The following TMC1 variants were observed in gnomAD, a reference collection of about 807,000 sequenced individuals.
TMC1 encodes transmembrane channel like 1, also known as transmembrane channel-like protein 1.
In TMC1, 84 loss-of-function variants were observed where a neutral mutation model predicts 105.8. That is an observed-to-expected ratio of 0.79 (90% CI 0.67 to 0.95). The LOEUF (loss-of-function observed/expected upper bound fraction) is 0.95. Among genes scored for constraint, TMC1 ranks in the 40% least tolerant of loss-of-function variants. The probability of loss-of-function intolerance (pLI) is 0.00; values close to 1 mark genes in which losing one functional copy is unlikely to be tolerated. For synonymous variants in TMC1, 315 were observed against 311.5 expected (o/e 1.01, Z -0.12); for missense variants, 817 against 914.1 (o/e 0.89, Z 1.37).
chr9:72,765,444 C>T (rs955279440), intron 12 of TMC1, among the ~76,000 whole-genome samples: 17 of 151,806 alleles, frequency 1.1e-4, no homozygotes, highest in Non-Finnish European at 2.1e-4. Context: ...CTTGAACCAG[C>T]TTTAAAGAAA....
At chr9:72,704,581 A>G (rs759193046) in intron 8 of TMC1, among the ~76,000 whole-genome samples, 3 of 152,172 alleles carry the variant, frequency 2.0e-5, no homozygotes, top group Non-Finnish European at 2.9e-5. Context: ...TAATCCTCAA[A>G]CATGGCTCAG....
At chr9:72,650,446 T>C (rs1318276473) in intron 5 of TMC1, among the ~76,000 whole-genome samples, 3 of 152,114 alleles carry the variant, frequency 2.0e-5, no homozygotes, top group East Asian at 3.9e-4. Context: ...AGATAAGTGA[T>C]GCCTTACTAT....
At chr9:72,748,622 A>G (rs1827530514) in intron 10 of TMC1, among the ~76,000 whole-genome samples, 1 of 152,184 alleles carries the variant, frequency 6.6e-6, no homozygotes, top group African/African-American at 2.4e-5. Flanking sequence ...TAGTCACACT[A>G]ATCAGGCATT....
intron 8 of TMC1, among the ~76,000 whole-genome samples, chr9:72,719,243 G>A (rs1826975217): frequency 6.6e-6 from 1 of 152,196 alleles, no homozygotes; most frequent in African/African-American, 2.4e-5. Flanking sequence ...ACAGAGTTCA[G>A]CTGGAGGTTT....
Position 72,627,977 on chromosome 9 carries a change from G to T in TMC1, c.-139G>T, listed in dbSNP as rs757162804. The T allele has an allele frequency of 2.0e-5, 9 of 455,070 alleles. No homozygotes were observed. The highest frequency in any genetic ancestry group is 1.4e-4 in the South Asian group (9 of 64,478). 28.2% of individuals were successfully genotyped at this position (455,070 alleles called of 1,614,324 possible). A position where few individuals can be genotyped will look rare whatever the true frequency, so the allele number is the denominator to read the frequency against. ...CTGTGCTTCACATCTGAAAATCTCTGCTGGGGGCAGCAACTTTGAGCCTGT... is the reference window on the plus strand; with the variant it reads ...CTGTGCTTCACATCTGAAAATCTCTTCTGGGGGCAGCAACTTTGAGCCTGT... On this transcript the variant is annotated 5_prime_UTR_variant, in exon 4 of 24. Coordinates refer to ENST00000297784, the MANE Select transcript of TMC1 (RefSeq NM_138691.3).
At chr9:72,608,543 C>T (rs369193213) in intron 2 of TMC1, among the ~76,000 whole-genome samples, 1 of 151,968 alleles carries the variant, frequency 6.6e-6, no homozygotes. Context: ...CCCATCTCTA[C>T]TAAAAATACA....
intron 3 of TMC1, among the ~76,000 whole-genome samples, chr9:72,619,310 A>T (rs1012412548): frequency 5.9e-5 from 9 of 152,206 alleles, no homozygotes; most frequent in African/African-American, 2.2e-4. Flanking sequence ...CACAACTTAA[A>T]TATTCAAAAC....
chr9:72,603,549 GTGTTGTTGT>G lies in TMC1; in HGVS notation c.-305-12801_-305-12793del, dbSNP rs10655236. On this transcript the variant is annotated intron_variant, in intron 2 of 23. Coordinates refer to ENST00000297784, the MANE Select transcript of TMC1 (RefSeq NM_138691.3). ...TCAATGTTGCATTTAGTTTAGTTTA[GTGTTGTTGT>G]TGTTGTTGTTGTTGTTGCTGTTTTT... Among the ~76,000 whole-genome samples, 551 of 151,328 alleles carry G rather than the reference GTGTTGTTGT, an allele frequency of 3.6e-3. 2 individuals are homozygous for G. Among genetic ancestry groups the G allele is most frequent in the Non-Finnish European group, 6.6e-3 (446 of 67,852 alleles).
chr9:72,708,810 T>C (rs1407440095), intron 8 of TMC1, among the ~76,000 whole-genome samples: 2 of 152,100 alleles, frequency 1.3e-5, no homozygotes, highest in African/African-American at 4.8e-5. Context: ...GTAGTGAGAG[T>C]GGGCATCCTC....
intron 3 of TMC1, among the ~76,000 whole-genome samples, chr9:72,625,375 T>G (rs2132130905): frequency 6.6e-6 from 1 of 151,864 alleles, no homozygotes; most frequent in South Asian, 2.1e-4. Context: ...TTTGGTTGGG[T>G]GATTTGGGGG....
intron 2 of TMC1, among the ~76,000 whole-genome samples, chr9:72,607,002 T>TATATATATATAGAGAGAGAGAGAGAG (rs372785242): frequency 1.5e-5 from 2 of 134,906 alleles, no homozygotes; most frequent in South Asian, 2.5e-4. Flanking sequence ...TATATATATA[T>TATATATATATAGAGAGAGAGAGAGAG]AGAGAGAGAG....
At chr9:72,739,986 G>A (rs1173343556) in intron 8 of TMC1, 133 bp from the exon 9 acceptor site, 13 of 685,946 alleles carry the variant, frequency 1.9e-5, no homozygotes, top group African/African-American at 3.6e-5. Flanking sequence ...ATGAAATACA[G>A]TCTAGGTTCA....
chr9:72,749,274 G>T (rs1422736468), intron 10 of TMC1, among the ~76,000 whole-genome samples: 1 of 152,202 alleles, frequency 6.6e-6, no homozygotes, highest in Non-Finnish European at 1.5e-5. Context: ...TGGTGGGTTA[G>T]TATCCTATAT....
Position 72,787,672 on chromosome 9 carries a change from TAC to T in TMC1, c.885-655_885-654del, listed in dbSNP as rs533867065. Among the ~76,000 whole-genome samples, 360 of 151,400 alleles carry T rather than the reference TAC, an allele frequency of 2.4e-3. 2 individuals are homozygous for T. Among genetic ancestry groups the T allele is most frequent in the African/African-American group, 7.9e-3 (328 of 41,316 alleles). ...ATATATATATATACACACATATATATACACACACACACATATAATTACTGATT... is the reference window on the plus strand; with the variant it reads ...ATATATATATATACACACATATATATACACACACACATATAATTACTGATT... On this transcript the variant is annotated intron_variant, in intron 13 of 23. Transcript: ENST00000297784.
chr9:72,717,627 C>T (rs1465533128), intron 8 of TMC1, among the ~76,000 whole-genome samples: 1 of 152,130 alleles, frequency 6.6e-6, no homozygotes, highest in African/African-American at 2.4e-5. Flanking sequence ...GGACCCCAGT[C>T]CCCTCTAGCC....
intron 8 of TMC1, among the ~76,000 whole-genome samples, chr9:72,706,061 G>A (rs1476382397): frequency 1.3e-5 from 2 of 152,080 alleles, no homozygotes; most frequent in Admixed American, 6.5e-5. Context: ...CTTTTCATTT[G>A]TTTGTTTGTT....
At chr9:72,674,321 A>G (rs1826168704) in intron 5 of TMC1, among the ~76,000 whole-genome samples, 1 of 151,932 alleles carries the variant, frequency 6.6e-6, no homozygotes, top group Admixed American at 6.6e-5. Flanking sequence ...CAAAGGACCT[A>G]CAAGAGGCAA....
intron 21 of TMC1, among the ~76,000 whole-genome samples, chr9:72,828,194 C>T (rs1297932342): frequency 6.6e-6 from 1 of 152,154 alleles, no homozygotes; most frequent in African/African-American, 2.4e-5. Context: ...TTATATATTA[C>T]ATAACCTTGA....
At chr9:72,824,108 C>G (rs1252263319) in intron 20 of TMC1, among the ~76,000 whole-genome samples, 1 of 152,272 alleles carries the variant, frequency 6.6e-6, no homozygotes, top group Non-Finnish European at 1.5e-5. Flanking sequence ...AGTGCGGGAT[C>G]TGGCGAGACA....
Sources: gnomAD v4.1 joint callset for allele counts (sites outside exome capture counted in the v4.1 genomes callset) on GRCh38, gnomAD v4.1.1 for gene constraint, MANE v1.5 for transcripts, NCBI Gene and HGNC (gene_info 2026-07-23, HGNC 2026-07-21) for gene names.